The following SEMA3A variants were observed in gnomAD, a reference collection of about 807,000 sequenced individuals.
SEMA3A encodes semaphorin-3A.
SEMA3A carries 29 observed loss-of-function variants against 97.9 expected under a neutral mutation model. The observed-to-expected ratio is 0.30, with a 90% CI of 0.22 to 0.40. The LOEUF is 0.40. Among genes scored for constraint, SEMA3A ranks in the 10% least tolerant of loss-of-function variants. The pLI is 1.00. For synonymous variants in SEMA3A, 321 were observed against 323.7 expected (o/e 0.99, Z 0.09); for missense variants, 763 against 951.3 (o/e 0.80, Z 2.60).
At chr7:84,313,344 A>ATG (rs1355533577) in intron 2 of SEMA3A, among the ~76,000 whole-genome samples, 1 of 41,898 alleles carries the variant, frequency 2.4e-5, no homozygotes, top group African/African-American at 9.6e-5. Flanking sequence ...ATATATATGT[A>ATG]TATGTGTGTG....
Position 84,192,483 on chromosome 7 carries a change from C to A in SEMA3A, c.112+1992G>T, listed in dbSNP as rs1258635415. Among the ~76,000 whole-genome samples, 7 of 151,912 alleles carry A rather than the reference C, an allele frequency of 4.6e-5. No individual in the cohort carries two copies. The East Asian group carries it at 1.4e-3, about 29-fold the overall frequency. On this transcript the variant is annotated intron_variant, in intron 1 of 16. Transcript: ENST00000265362. ...AAGCAGTTTTTTACTTAAAGGAAAGCAGAATAATTCTAATGGATGCCATCA... is the reference window on the plus strand; with the variant it reads ...AAGCAGTTTTTTACTTAAAGGAAAGAAGAATAATTCTAATGGATGCCATCA...
chr7:84,039,085 A>T (rs1792041345), intron 6 of SEMA3A, among the ~76,000 whole-genome samples: 1 of 152,166 alleles, frequency 6.6e-6, no homozygotes, highest in African/African-American at 2.4e-5. Context: ...CTAAATATGT[A>T]TTGTCTACTT....
chr7:84,412,891 C>G lies in SEMA3A; in HGVS notation c.-245-40991G>C, dbSNP rs376087636. On this transcript the variant is annotated intron_variant, in intron 1 of 3. Transcript: ENST00000424555. ...AGCTGGTATAAATTTGGAAAGAGTC[C>G]TGCATAAAGATGTTTCACAACTTCC... Among the ~76,000 whole-genome samples, 23 of 152,040 alleles carry G rather than the reference C, an allele frequency of 1.5e-4. No homozygotes were observed. The South Asian group carries it at 2.1e-3, about 14-fold the overall frequency.
At position 84,474,691 on chromosome 7, in the gene SEMA3A, T is replaced by C. The variant is rs190980274; in HGVS notation, c.-246+17769A>G. The stretch of plus-strand genomic sequence containing the variant: ...GCAGAGTGTGAGGCACATCATAAAC[T>C]GTTAATTAATAGCCGGTATTCTTCA... On this transcript the variant is annotated intron_variant, in intron 1 of 3. Transcript: ENST00000424555. Among the ~76,000 whole-genome samples the C allele has an allele frequency of 2.6e-4, 40 of 152,248 alleles. No individual in the cohort carries two copies. In the South Asian group the frequency reaches 3.1e-3, roughly 12 times the overall value.
chr7:84,182,311 G>C (rs768430304), intron 1 of SEMA3A, among the ~76,000 whole-genome samples: 9 of 152,096 alleles, frequency 5.9e-5, no homozygotes, highest in Admixed American at 1.3e-4. Flanking sequence ...TTGTCATGAA[G>C]GATGTTGTGT....
At chr7:84,034,550 A>T (rs2116472348) in intron 6 of SEMA3A, among the ~76,000 whole-genome samples, 1 of 152,324 alleles carries the variant, frequency 6.6e-6, no homozygotes, top group South Asian at 2.1e-4. Context: ...AATACAATAC[A>T]AATACATGCT....
intron 1 of SEMA3A, among the ~76,000 whole-genome samples, chr7:84,164,853 T>A (rs944499424): frequency 4.6e-5 from 7 of 152,104 alleles, no homozygotes; most frequent in Admixed American, 4.6e-4. Flanking sequence ...GAATCTGCAT[T>A]TTAATATAAT....
intron 6 of SEMA3A, among the ~76,000 whole-genome samples, chr7:84,043,058 T>C (rs111644479): frequency 0.039 from 5,982 of 152,092 alleles, 129 homozygotes; most frequent in Middle Eastern, 0.088. Flanking sequence ...AAAAAAATAC[T>C]GGTACATCAT....
At chr7:84,366,767 CAT>C (rs1167658747) in intron 2 of SEMA3A, among the ~76,000 whole-genome samples, 4 of 151,336 alleles carry the variant, frequency 2.6e-5, no homozygotes, top group African/African-American at 9.7e-5. Context: ...CAAAAATCCA[CAT>C]GTCATTTTCT....
At chr7:84,178,846 A>G (rs2116228862) in intron 1 of SEMA3A, among the ~76,000 whole-genome samples, 1 of 152,282 alleles carries the variant, frequency 6.6e-6, no homozygotes, top group South Asian at 2.1e-4. Context: ...CAAATGTCTT[A>G]GCAAACTAAA....
intron 1 of SEMA3A, among the ~76,000 whole-genome samples, chr7:84,442,513 C>A (rs115746178): frequency 1.3e-5 from 2 of 151,316 alleles, no homozygotes; most frequent in African/African-American, 4.9e-5. Flanking sequence ...ACTTCTACTA[C>A]AAAAAAAATC....
At chr7:84,341,449 A>G (rs183015969) in intron 2 of SEMA3A, among the ~76,000 whole-genome samples, 1 of 152,256 alleles carries the variant, frequency 6.6e-6, no homozygotes. Context: ...TTTCTAAATT[A>G]AAAAATAAAT....
chr7:84,466,427 C>A (rs1805999367), intron 1 of SEMA3A, among the ~76,000 whole-genome samples: 1 of 152,144 alleles, frequency 6.6e-6, no homozygotes. Flanking sequence ...CCCGCCTCAG[C>A]CTCCCAAAGT....
chr7:84,383,822 G>A (rs1005062206), intron 1 of SEMA3A, among the ~76,000 whole-genome samples: 2 of 152,160 alleles, frequency 1.3e-5, no homozygotes, highest in African/African-American at 4.8e-5. Flanking sequence ...GAAATTTGGA[G>A]AGAAAACTTT....
rs202005657 is a variant in SEMA3A at position 84,316,130 on chromosome 7, C to CAAAAAAA, written c.-168-8845_-168-8839dup. 2.9e-3 allele frequency among the ~76,000 whole-genome samples: 88 copies of CAAAAAAA among 30,216 alleles called. 6 individuals are homozygous for CAAAAAAA. Among genetic ancestry groups the CAAAAAAA allele is most frequent in the East Asian group, 0.011 (21 of 1,910 alleles). The allele number at this position is 30,216 out of a possible 152,430, so 19.8% of individuals were successfully genotyped here. On this transcript the variant is annotated intron_variant, in intron 2 of 3. Transcript: ENST00000424555. ...TGCACAATATAGGAAGACTCTATCT[C>CAAAAAAA]AAAAAAAAAAAAAAAAAAAAAAAAA...
intron 1 of SEMA3A, among the ~76,000 whole-genome samples, chr7:84,491,719 G>A (rs964997226): frequency 3.3e-5 from 5 of 152,086 alleles, no homozygotes; most frequent in African/African-American, 1.2e-4. Flanking sequence ...TTCAAACATA[G>A]TTTAATGGTG....
Position 83,961,660 on chromosome 7 carries a change from A to T in SEMA3A, c.2027T>A (p.Leu676His), listed in dbSNP as rs954515927. The change falls in exon 17 of 17, where the codon CTT (leucine) becomes CAT (histidine). Residue 676 changes from leucine to histidine, a missense_variant. This residue lies in a region of SEMA3A where 678 missense variants were observed against 881.3 expected (regional missense o/e 0.77). Coordinates refer to ENST00000265362, the MANE Select transcript of SEMA3A (RefSeq NM_006080.3). The part of the protein sequence containing the change: ...EVIDTEHLEE[L>H]LHKDDDGDGS... ...ATCTCCATCATCATCTTTATGAAGA[A>T]GTTCTTCCAAATGCTCTGTGTCAAT... 1 of 1,613,766 alleles carries T rather than the reference A, an allele frequency of 6.2e-7. No individual in the cohort carries two copies. Among genetic ancestry groups the T allele is most frequent in the African/African-American group, 1.3e-5 (1 of 74,916 alleles).
At chr7:84,418,536 C>T (rs1486362900) in intron 1 of SEMA3A, among the ~76,000 whole-genome samples, 1 of 151,986 alleles carries the variant, frequency 6.6e-6, no homozygotes, top group Non-Finnish European at 1.5e-5. Context: ...TGGGTGGGCA[C>T]CCTCCAATTT....
chr7:84,400,719 G>A (rs1803877795), intron 1 of SEMA3A, among the ~76,000 whole-genome samples: 1 of 152,190 alleles, frequency 6.6e-6, no homozygotes, highest in Admixed American at 6.5e-5. Flanking sequence ...TTTATTCAAA[G>A]AAATGACAAC....
Sources: allele counts gnomAD v4.1 joint callset (sites outside exome capture counted in the v4.1 genomes callset), GRCh38; gene constraint gnomAD v4.1.1; regional missense constraint gnomAD v4.1.1; transcripts MANE v1.5; gene names NCBI Gene and HGNC (gene_info 2026-07-23, HGNC 2026-07-21).